PKP4: variants seen among roughly 807,000 people sequenced by gnomAD.
PKP4 encodes plakophilin-4.
In PKP4, 90 loss-of-function variants were observed where a neutral mutation model predicts 145.1. That is an observed-to-expected ratio of 0.62 (90% CI 0.52 to 0.74). The LOEUF (loss-of-function observed/expected upper bound fraction) is 0.74. Ranked by LOEUF, PKP4 falls within the 30% of genes least tolerant of loss-of-function variation. The probability of loss-of-function intolerance (pLI) is 0.00; values close to 1 mark genes in which losing one functional copy is unlikely to be tolerated. For missense variants in PKP4, 1,340 were observed against 1,482.7 expected (o/e 0.90, Z 1.58); for synonymous variants, 563 against 577.2 (o/e 0.98, Z 0.35).
intron 3 of PKP4, among the ~76,000 whole-genome samples, chr2:158,599,126 A>C (rs1006279885): frequency 1.3e-5 from 2 of 152,228 alleles, no homozygotes; most frequent in African/African-American, 2.4e-5. Context: ...TTAGCAGCAG[A>C]AGAATGACAT....
intron 4 of PKP4, among the ~76,000 whole-genome samples, chr2:158,608,889 C>A (rs1175192801): frequency 7.2e-6 from 1 of 139,140 alleles, no homozygotes; most frequent in Non-Finnish European, 1.5e-5. Context: ...TTTTGGCTCA[C>A]TGCAACAGCC....
At chr2:158,459,919 G>A (rs565186678) in intron 1 of PKP4, among the ~76,000 whole-genome samples, 7 of 152,194 alleles carry the variant, frequency 4.6e-5, no homozygotes, top group Admixed American at 2.6e-4. Context: ...TCAAAGAGTG[G>A]AAGTTTTTCA....
intron 1 of PKP4, among the ~76,000 whole-genome samples, chr2:158,494,032 G>A (rs1272431081): frequency 6.6e-6 from 1 of 152,130 alleles, no homozygotes; most frequent in East Asian, 1.9e-4. Context: ...TTATCAGGAG[G>A]GAGGCAGATT....
rs753254364 is a variant in PKP4, at chr2:158,666,441, G to A, written c.2606G>A (p.Arg869Gln). 19 of 1,606,680 alleles carry A rather than the reference G, an allele frequency of 1.2e-5. No individual in the cohort carries two copies. Among genetic ancestry groups the A allele is most frequent in the Non-Finnish European group, 1.5e-5 (18 of 1,177,886 alleles). ...GCAGCATATATCCGGGCGGCCGTCC[G>A]AAAAGAAAAGGGGCTCCCCATCCTT... ...KFAAYIRAAV[R>Q]KEKGLPILVE... The change falls in exon 16 of 22, where the codon CGA becomes CAA. Residue 869 changes from arginine (R) to glutamine (Q), a missense_variant. Coordinates refer to ENST00000389759, the MANE Select transcript of PKP4 (RefSeq NM_003628.6).
At chr2:158,501,845 C>T (rs1025645733) in intron 1 of PKP4, among the ~76,000 whole-genome samples, 3 of 141,172 alleles carry the variant, frequency 2.1e-5, no homozygotes, top group Non-Finnish European at 3.2e-5. Flanking sequence ...TAAGGTTTTC[C>T]TGTTTAAGGC....
In PKP4 at chr2:158,503,550, TG is replaced by T. The variant is rs563888143; in HGVS notation, c.-5-29629del. ...TGGAGATACACTTGTAATTTTTAAT[TG>T]TGTTTTCAAAACTTAAGATCTTTCA... On this transcript the variant is annotated intron_variant, in intron 1 of 21. Coordinates refer to ENST00000389759, the MANE Select transcript of PKP4 (RefSeq NM_003628.6). 2.4e-3 allele frequency among the ~76,000 whole-genome samples: 363 copies of T among 152,356 alleles called. 4 individuals carry two copies. Among genetic ancestry groups the T allele is most frequent in the Non-Finnish European group, 1.4e-3 (96 of 68,036 alleles).
At chr2:158,569,975 T>G (rs1425288744) in intron 2 of PKP4, among the ~76,000 whole-genome samples, 2 of 152,222 alleles carry the variant, frequency 1.3e-5, no homozygotes, top group Non-Finnish European at 2.9e-5. Flanking sequence ...TAATTTATCT[T>G]TGATTCTTAA....
chr2:158,622,858 G>A lies in PKP4; in HGVS notation c.603+1437G>A, dbSNP rs115840287. Among the ~76,000 whole-genome samples, 310 of 152,256 alleles carry A rather than the reference G, an allele frequency of 2.0e-3. 2 individuals carry two copies. Among genetic ancestry groups the A allele is most frequent in the Non-Finnish European group, 3.8e-3 (256 of 68,012 alleles). ...ACTAAATGCTAATGGGAGTTCATCC[G>A]CTTAGGTGAATTTCTGTGTCAGCAG... is the stretch of plus-strand genomic sequence containing the variant. On this transcript the variant is annotated intron_variant, in intron 6 of 21. Transcript: ENST00000389759.
intron 18 of PKP4, 44 bp downstream of exon 18, chr2:158,673,805 GCA>G: frequency 6.8e-7 from 1 of 1,469,760 alleles, no homozygotes; most frequent in Non-Finnish European, 9.5e-7. Flanking sequence ...ATTCATCAGA[GCA>G]CACACTCATA....
intron 1 of PKP4, among the ~76,000 whole-genome samples, chr2:158,491,479 G>T (rs917159092): frequency 1.3e-5 from 2 of 151,870 alleles, no homozygotes; most frequent in Non-Finnish European, 2.9e-5. Context: ...TCATCTGCTT[G>T]TTATCTTTTT....
chr2:158,509,059 A>C (rs1445416860), intron 1 of PKP4, among the ~76,000 whole-genome samples: 3 of 152,210 alleles, frequency 2.0e-5, no homozygotes, highest in Non-Finnish European at 2.9e-5. Flanking sequence ...TCTTCAGATT[A>C]ATGAAAAGCA....
intron 17 of PKP4, among the ~76,000 whole-genome samples, chr2:158,671,722 C>A (rs1056238085): frequency 6.6e-6 from 1 of 152,244 alleles, no homozygotes; most frequent in Non-Finnish European, 1.5e-5. Context: ...AGCTTACGTT[C>A]CATGGGTGAG....
chr2:158,508,801 A>G (rs1219527197), intron 1 of PKP4, among the ~76,000 whole-genome samples: 1 of 152,236 alleles, frequency 6.6e-6, no homozygotes, highest in Non-Finnish European at 1.5e-5. Flanking sequence ...AGTAGGCTGG[A>G]CATCAAAATT....
intron 2 of PKP4, among the ~76,000 whole-genome samples, chr2:158,544,207 A>G (rs1372231993): frequency 6.6e-6 from 1 of 152,154 alleles, no homozygotes; most frequent in African/African-American, 2.4e-5. Flanking sequence ...AGTGTTTCCA[A>G]GCCTCAGTCT....
intron 11 of PKP4, among the ~76,000 whole-genome samples, chr2:158,657,247 A>G (rs1211876163): frequency 1.3e-5 from 2 of 152,096 alleles, no homozygotes; most frequent in African/African-American, 4.8e-5. Context: ...TATCATCTCA[A>G]ATTTGCTCCA....
chr2:158,505,504 C>G (rs2040889817), intron 1 of PKP4, among the ~76,000 whole-genome samples: 1 of 152,200 alleles, frequency 6.6e-6, no homozygotes, highest in African/African-American at 2.4e-5. Context: ...GTGCTGCCTG[C>G]TGACAGCTGT....
intron 2 of PKP4, among the ~76,000 whole-genome samples, chr2:158,560,400 C>G (rs1214227001): frequency 6.6e-6 from 1 of 151,888 alleles, no homozygotes; most frequent in Non-Finnish European, 1.5e-5. Context: ...AATGGATCTT[C>G]TGTATATGAA....
At chr2:158,514,106 T>C (rs1432637093) in intron 1 of PKP4, among the ~76,000 whole-genome samples, 2 of 152,240 alleles carry the variant, frequency 1.3e-5, no homozygotes, top group Non-Finnish European at 2.9e-5. Flanking sequence ...CCATCTGGTG[T>C]ATAAATGTGT....
At chr2:158,530,302 A>T (rs200175788) in intron 1 of PKP4, among the ~76,000 whole-genome samples, 1 of 152,086 alleles carries the variant, frequency 6.6e-6, no homozygotes, top group African/African-American at 2.4e-5. Context: ...TTTTCCAAAA[A>T]CAGCCATGGC....
Sources: allele counts gnomAD v4.1 joint callset (sites outside exome capture counted in the v4.1 genomes callset), GRCh38; gene constraint gnomAD v4.1.1; transcripts MANE v1.5; gene names NCBI Gene and HGNC (gene_info 2026-07-23, HGNC 2026-07-21).